STX4: variants seen among roughly 807,000 people sequenced by gnomAD.
STX4 encodes syntaxin 4, also known as syntaxin-4.
A neutral mutation model predicts 41.8 loss-of-function variants in STX4; 24 were observed. The ratio of observed to expected loss-of-function variants is 0.57; its 90% CI spans 0.42 to 0.81. The LOEUF is 0.81. STX4 is among the 30% of genes least tolerant of loss of function. STX4 has a pLI of 0.00. For synonymous variants in STX4, 158 were observed against 156.4 expected, an observed-to-expected ratio of 1.01 and a Z score of -0.08; for missense variants, 316 against 389.9, an observed-to-expected ratio of 0.81 and a Z score of 1.60.
chr16:31,037,949 C>G lies in STX4; in HGVS notation c.402C>G (p.Phe134Leu). ...AGCATGGGGTCCTGTCCCAGCAATTCGTGGAGCTCATCAACAAGTGCAATT... is the reference window on the plus strand; with the variant it reads ...AGCATGGGGTCCTGTCCCAGCAATTGGTGGAGCTCATCAACAAGTGCAATT... ...KTQHGVLSQQ[F>L]VELINKCNSM... The change falls in exon 6 of 11, where the codon TTC (phenylalanine) becomes TTG (leucine). Residue 134 changes from phenylalanine (F) to leucine (L), a missense_variant. Transcript: ENST00000313843. 2 of 1,614,094 alleles carry G rather than the reference C, an allele frequency of 1.2e-6. No homozygotes were observed. The highest frequency in any genetic ancestry group is 1.1e-5 in the South Asian group (1 of 91,072).
Position 31,034,963 on chromosome 16 carries a change from C to T in STX4, c.308-7C>T. On this transcript the variant is annotated splice_polypyrimidine_tract_variant and splice_region_variant and intron_variant, in intron 4 of 10. Transcript: ENST00000313843. ...AGTACCCCCAATACCCCTGTGTCTT[C>T]CCACAGCCATAGAGCCCCAGAAGGA... 6.3e-7 allele frequency: 1 copy of T among 1,594,248 alleles called. No homozygotes were observed. The highest frequency in any genetic ancestry group is 8.5e-7 in the Non-Finnish European group (1 of 1,173,852).
In STX4 at chr16:31,039,887, C is replaced by T; in HGVS notation, c.*16-25C>T. ...CCCAGCCCTCCCTCCTCCCTCAGAC[C>T]CTGTTCTCCCTCCTTTCCTTACAGG... On this transcript the variant is annotated intron_variant, in intron 10 of 10. Coordinates refer to ENST00000313843, the MANE Select transcript of STX4 (RefSeq NM_004604.5). The surrounding 1 kb of genome is among the most constrained non-coding windows in gnomAD (Gnocchi z 4.1). 9 of 1,470,532 alleles carry T rather than the reference C, an allele frequency of 6.1e-6. No individual in the cohort carries two copies. The highest frequency in any genetic ancestry group is 7.6e-6 in the Non-Finnish European group (8 of 1,054,772). The allele number at this position is 1,470,532 out of a possible 1,614,324, so 91.1% of individuals were successfully genotyped here.
At chr16:31,038,295 C>T (rs892552301) in intron 7 of STX4, 105 bp downstream of exon 7, 9 of 1,467,512 alleles carry the variant, frequency 6.1e-6, no homozygotes, top group Admixed American at 1.9e-5. Context: ...CCTCAGCCTC[C>T]CGAGTAGCTG....
chr16:31,037,609 G>A (rs1056927542), intron 5 of STX4, among the ~76,000 whole-genome samples: 58 of 151,380 alleles, frequency 3.8e-4, no homozygotes, highest in African/African-American at 1.3e-3. Flanking sequence ...GCAGTGAGCC[G>A]AGATTGTGCC....
At chr16:31,036,989 G>C (rs2056803821) in intron 5 of STX4, among the ~76,000 whole-genome samples, 1 of 151,216 alleles carries the variant, frequency 6.6e-6, no homozygotes, top group Admixed American at 6.6e-5. Flanking sequence ...CCAGCACTTT[G>C]GAGGCTGAGG....
rs763101653 is a variant in STX4, at chr16:31,034,274, G to A, written c.181G>A (p.Glu61Lys). ...TIVKLGNKVQ[E>K]LEKQQVTILA... ...TGTCAAACTGGGGAATAAAGTCCAG[G>A]AGTTGGAGAAACAGCAGGTCACCAT... The change falls in exon 3 of 11, where the codon GAG becomes AAG. Residue 61 changes from glutamate to lysine, a missense_variant. Physicochemically the swap from Glu to Lys is moderately conservative, Grantham distance 56 (BLOSUM62 1). Transcript: ENST00000313843. The A allele has an allele frequency of 4.3e-6, 7 of 1,614,182 alleles. No homozygotes were observed. Among genetic ancestry groups the A allele is most frequent in the Non-Finnish European group, 5.9e-6 (7 of 1,180,030 alleles).
Position 31,036,528 on chromosome 16 carries a change from G to A in STX4, c.379-1398G>A, listed in dbSNP as rs373128727. 6.1e-4 allele frequency among the ~76,000 whole-genome samples: 93 copies of A among 152,310 alleles called. 1 individual carries two copies. The highest frequency in any genetic ancestry group is 2.2e-3 in the African/African-American group (90 of 41,570). ...GTTACATATTGGGTGCCTACTGTGT[G>A]CCAGACCTTTTTGGAACTGTTTAGG... On this transcript the variant is annotated intron_variant, in intron 5 of 10. Coordinates refer to ENST00000313843, the MANE Select transcript of STX4 (RefSeq NM_004604.5).
rs12445650 is a variant in STX4, at chr16:31,033,576, G to A, written c.-230G>A. On this transcript the variant is annotated 5_prime_UTR_variant, in exon 1 of 11. Transcript: ENST00000313843. This position sits in a 1 kb window ranked among gnomAD's most constrained non-coding sequence, Gnocchi z 5.5. ...GGGCGGGGCTGAGGCTGCGGGAGCTGGAGCGGGGAAGAAAAGGGAATTCCA... is the reference window on the plus strand; with the variant it reads ...GGGCGGGGCTGAGGCTGCGGGAGCTAGAGCGGGGAAGAAAAGGGAATTCCA... 0.4 allele frequency: 608,150 copies of A among 1,538,736 alleles called. 128,022 individuals are homozygous for A. The highest frequency in any genetic ancestry group is 0.69 in the South Asian group (57,334 of 83,410).
At chr16:31,037,856 T>A (rs2056814115) in intron 5 of STX4, 70 bp from the exon 6 acceptor site, 4 of 1,506,880 alleles carry the variant, frequency 2.7e-6, no homozygotes, top group Non-Finnish European at 3.7e-6. Context: ...CACTGTACTA[T>A]GGGGTTGCCG....
At position 31,038,173 on chromosome 16, in the gene STX4, G is replaced by A. The variant is rs376829665; in HGVS notation, c.547G>A (p.Glu183Lys). ...GCAGATGCTGGACAGTGGGCAAAGC[G>A]AGGTGTTTGTGTCCAATGTGAGTGG... ...LEQMLDSGQSEVFVSNILKDT... is the reference protein window; with the variant it reads ...LEQMLDSGQSKVFVSNILKDT... The change falls in exon 7 of 11, where the codon GAG (glutamate) becomes AAG (lysine). Residue 183 changes from glutamate to lysine, a missense_variant. Physicochemically the swap from Glu to Lys is moderately conservative, Grantham distance 56 (BLOSUM62 1). Coordinates refer to ENST00000313843, the MANE Select transcript of STX4 (RefSeq NM_004604.5). The A allele has an allele frequency of 2.5e-6, 4 of 1,614,096 alleles. No individual in the cohort carries two copies. The highest frequency in any genetic ancestry group is 4.5e-5 in the East Asian group (2 of 44,872).
intron 5 of STX4, 96 bp from the exon 6 acceptor site, chr16:31,037,830 G>A (rs2056813787): frequency 1.6e-6 from 2 of 1,221,844 alleles, no homozygotes; most frequent in East Asian, 2.4e-5. Context: ...CCGCATAAGA[G>A]CTCATGCTAT....
In STX4 at chr16:31,039,606, G is replaced by A; in HGVS notation, c.768G>A (p.Gln256=). ...LSSADYVERG[Q]EHVKTALENQ... ...CAGCGGACTACGTGGAACGTGGGCA[G>A]GAGCACGTCAAGACGGCCCTGGAGA... Residue 256 remains glutamine, a synonymous_variant, in exon 9 of 11, where the codon CAG becomes CAA. Transcript: ENST00000313843. The surrounding 1 kb of genome is among the most constrained non-coding windows in gnomAD (Gnocchi z 4.1). 1.9e-6 allele frequency: 3 copies of A among 1,614,176 alleles called. No homozygotes were observed. The highest frequency in any genetic ancestry group is 2.5e-6 in the Non-Finnish European group (3 of 1,180,024).
At chr16:31,037,064 C>G (rs371286626) in intron 5 of STX4, among the ~76,000 whole-genome samples, 1 of 122,282 alleles carries the variant, frequency 8.2e-6, no homozygotes, top group Non-Finnish European at 1.7e-5. Context: ...ACCCCCCCCC[C>G]TTTTTTTTTT....
rs1279489158 is a variant in STX4 at position 31,033,862 on chromosome 16, G to C, written c.30+27G>C. Reference sequence around the variant, plus strand: ...TGAGACGCCAGGGCAGCGGGGATGGGGACGGGCGGACGAACTGGAACGCAG... The same window carrying C: ...TGAGACGCCAGGGCAGCGGGGATGGCGACGGGCGGACGAACTGGAACGCAG... On this transcript the variant is annotated intron_variant, in intron 1 of 10. Transcript: ENST00000313843. This position sits in a 1 kb window ranked among gnomAD's most constrained non-coding sequence, Gnocchi z 5.5. 1 of 1,453,230 alleles carries C rather than the reference G, an allele frequency of 6.9e-7. No homozygotes were observed. The allele number at this position is 1,453,230 out of a possible 1,614,324, so 90.0% of individuals were successfully genotyped here. A position where few individuals can be genotyped will look rare whatever the true frequency, so the allele number is the denominator to read the frequency against.
At position 31,039,958 on chromosome 16, in the gene STX4, G is replaced by A; in HGVS notation, c.*62G>A. 1 of 827,842 alleles carries A rather than the reference G, an allele frequency of 1.2e-6. No homozygotes were observed. Among genetic ancestry groups the A allele is most frequent in the Non-Finnish European group, 1.9e-6 (1 of 514,404 alleles). 51.3% of individuals were successfully genotyped at this position (827,842 alleles called of 1,614,324 possible). On this transcript the variant is annotated 3_prime_UTR_variant, in exon 11 of 11. Coordinates refer to ENST00000313843, the MANE Select transcript of STX4 (RefSeq NM_004604.5). The surrounding 1 kb of genome is among the most constrained non-coding windows in gnomAD (Gnocchi z 4.1). Reference sequence around the variant, plus strand: ...CAGGGCCTGGCCTTCTCTCCCAGCAGCCTGGGGGGCAGGGCAGAGCCTCCA... The same window carrying A: ...CAGGGCCTGGCCTTCTCTCCCAGCAACCTGGGGGGCAGGGCAGAGCCTCCA...
At chr16:31,036,111 G>A (rs1422697455) in intron 5 of STX4, among the ~76,000 whole-genome samples, 1 of 152,036 alleles carries the variant, frequency 6.6e-6, no homozygotes. Context: ...GAGATTTGCA[G>A]TGATCTGACT....
At chr16:31,035,181 G>A in intron 5 of STX4, 141 bp downstream of exon 5, 1 of 620,032 alleles carries the variant, frequency 1.6e-6, no homozygotes, top group East Asian at 3.3e-5. Context: ...TGAGCTCAGA[G>A]AGAGAAAGAA....
upstream of STX4, chr16:31,033,479 C>T: frequency 6.4e-7 from 1 of 1,550,392 alleles, no homozygotes; most frequent in Non-Finnish European, 8.7e-7. This position sits in a 1 kb window ranked among gnomAD's most constrained non-coding sequence, Gnocchi z 5.5. Flanking sequence ...CAACAACTTC[C>T]GACTCCACCT....
chr16:31,034,449 T>A lies in STX4; in HGVS notation c.233-13T>A. On this transcript the variant is annotated splice_polypyrimidine_tract_variant and intron_variant, in intron 3 of 10. Coordinates refer to ENST00000313843, the MANE Select transcript of STX4 (RefSeq NM_004604.5). The stretch of plus-strand genomic sequence containing the variant: ...GGGCTGCTGTTTGGGAGTCTTGGCC[T>A]TCTCTTATTCAGGCATGAAGCAGGA... 1 of 1,599,242 alleles carries A rather than the reference T, an allele frequency of 6.3e-7. No homozygotes were observed.
Sources: gnomAD v4.1 joint callset for allele counts (sites outside exome capture counted in the v4.1 genomes callset) on GRCh38, gnomAD v4.1.1 for gene constraint, Gnocchi (gnomAD v3.1) non-coding constraint, MANE v1.5 for transcripts, NCBI Gene and HGNC (gene_info 2026-07-23, HGNC 2026-07-21) for gene names.